Variants in DLG1 observed in about 807,000 individuals in gnomAD.
DLG1 encodes disks large homolog 1.
DLG1 carries 42 observed loss-of-function variants against 123.4 expected under a neutral mutation model. The observed-to-expected ratio is 0.34, with a 90% confidence interval of 0.27 to 0.44. The LOEUF (loss-of-function observed/expected upper bound fraction) is 0.44. Among genes scored for constraint, DLG1 ranks in the 20% least tolerant of loss-of-function variants. The probability of loss-of-function intolerance (pLI) is 1.00; values close to 1 mark genes in which losing one functional copy is unlikely to be tolerated. For synonymous variants in DLG1, 317 were observed against 356.2 expected (o/e 0.89, Z 1.24); for missense variants, 942 against 1,082.6 (o/e 0.87, Z 1.82).
chr3:197,186,769 A>G (rs1042903384), intron 5 of DLG1, among the ~76,000 whole-genome samples: 1 of 152,178 alleles, frequency 6.6e-6, no homozygotes. Context: ...TTTGAGACGG[A>G]GTCTCACTAC....
chr3:197,262,884 G>A (rs1359508567), intron 4 of DLG1, among the ~76,000 whole-genome samples: 1 of 152,188 alleles, frequency 6.6e-6, no homozygotes, highest in East Asian at 1.9e-4. Context: ...ATGTAGCTAT[G>A]TAAATGTCAT....
At chr3:197,118,895 T>C (rs929916843) in intron 12 of DLG1, among the ~76,000 whole-genome samples, 1 of 152,038 alleles carries the variant, frequency 6.6e-6, no homozygotes, top group African/African-American at 2.4e-5. Context: ...TCTTAGTACC[T>C]AGGGAGGCAG....
At chr3:197,158,159 C>T (rs757254676) in intron 5 of DLG1, among the ~76,000 whole-genome samples, 1 of 152,138 alleles carries the variant, frequency 6.6e-6, no homozygotes, top group Non-Finnish European at 1.5e-5. Flanking sequence ...AGAAGACACA[C>T]ACATGGACAA....
At chr3:197,066,273 T>TGGTA (rs980856431) in intron 20 of DLG1, among the ~76,000 whole-genome samples, 2 of 151,928 alleles carry the variant, frequency 1.3e-5, no homozygotes, top group Admixed American at 1.3e-4. Flanking sequence ...TAATGGAGAT[T>TGGTA]GGTAGTGAGA....
intron 4 of DLG1, among the ~76,000 whole-genome samples, chr3:197,242,352 T>C (rs941162295): frequency 2.6e-5 from 4 of 152,074 alleles, no homozygotes; most frequent in African/African-American, 9.7e-5. Flanking sequence ...GAGACTTTAA[T>C]ACCCTACTCT....
chr3:197,131,270 A>G (rs547014891), intron 10 of DLG1, among the ~76,000 whole-genome samples: 40 of 152,340 alleles, frequency 2.6e-4, no homozygotes, highest in African/African-American at 9.4e-4. Flanking sequence ...ACAGAATATG[A>G]GAGTGCCCAT....
intron 4 of DLG1, among the ~76,000 whole-genome samples, chr3:197,251,165 G>A (rs1754268041): frequency 1.3e-5 from 2 of 152,016 alleles, no homozygotes; most frequent in African/African-American, 4.8e-5. Flanking sequence ...TGGGTGGACT[G>A]CTTGACTACA....
chr3:197,165,831 C>A (rs2149960456), intron 5 of DLG1, among the ~76,000 whole-genome samples: 1 of 152,236 alleles, frequency 6.6e-6, no homozygotes, highest in South Asian at 2.1e-4. Context: ...TGATTCCTAC[C>A]CTTAAACTAT....
At chr3:197,226,245 C>T (rs1396374211) in intron 4 of DLG1, 1 of 152,194 alleles carries the variant, frequency 6.6e-6, no homozygotes. Context: ...TCATTTAGCA[C>T]CACTTTGTCA....
chr3:197,126,306 G>A (rs779159602), intron 11 of DLG1, among the ~76,000 whole-genome samples: 8 of 151,864 alleles, frequency 5.3e-5, no homozygotes, highest in African/African-American at 7.3e-5. Context: ...GAGAAACCCC[G>A]TCTCTACTAA....
At chr3:197,053,030 C>T (rs1329278821) in intron 23 of DLG1, among the ~76,000 whole-genome samples, 1 of 152,172 alleles carries the variant, frequency 6.6e-6, no homozygotes, top group East Asian at 1.9e-4. Flanking sequence ...GTGATGTACA[C>T]AGACAAAATG....
chr3:197,297,889 C>T, intron 1 of DLG1: 1 of 985,104 alleles, frequency 1.0e-6, no homozygotes, highest in Non-Finnish European at 1.2e-6. Context: ...CTCCACGTAC[C>T]CCCGCCCCGC....
At chr3:197,262,177 G>C (rs1033238070) in intron 4 of DLG1, among the ~76,000 whole-genome samples, 1 of 152,134 alleles carries the variant, frequency 6.6e-6, no homozygotes. Flanking sequence ...GAAAGACCAC[G>C]GGATTAGAGG....
intron 12 of DLG1, among the ~76,000 whole-genome samples, chr3:197,118,215 CAA>C (rs896884349): frequency 2.0e-5 from 3 of 152,104 alleles, no homozygotes; most frequent in Non-Finnish European, 4.4e-5. Flanking sequence ...GTAAAATATG[CAA>C]AGAGATTAAA....
At chr3:197,257,866 A>G (rs1014561129) in intron 4 of DLG1, among the ~76,000 whole-genome samples, 2 of 152,212 alleles carry the variant, frequency 1.3e-5, no homozygotes, top group Admixed American at 6.5e-5. Context: ...TCCTACAGTG[A>G]TTACGAGCCT....
intron 15 of DLG1, 31 bp downstream of exon 15, chr3:197,090,881 A>T: frequency 1.5e-6 from 2 of 1,302,032 alleles, no homozygotes; most frequent in Non-Finnish European, 2.2e-6. Context: ...ACTAATTAAG[A>T]TTTGCCATAA....
intron 5 of DLG1, among the ~76,000 whole-genome samples, chr3:197,167,008 T>A (rs1162812728): frequency 6.6e-6 from 1 of 152,064 alleles, no homozygotes; most frequent in African/African-American, 2.4e-5. Flanking sequence ...GACATCTTGC[T>A]GTACCAGAAG....
intron 16 of DLG1, chr3:197,085,215 T>A (rs1320708958): frequency 1.1e-5 from 2 of 186,052 alleles, no homozygotes; most frequent in African/African-American, 4.8e-5. Context: ...GTTGCCTTTT[T>A]TTGGGGGGTA....
intron 5 of DLG1, among the ~76,000 whole-genome samples, chr3:197,192,093 G>T (rs62283573): frequency 0.13 from 20,485 of 151,940 alleles, 1,760 homozygotes; most frequent in South Asian, 0.35. Context: ...AGGATCACTT[G>T]AGCCTAGGAG....
Sources: allele counts gnomAD v4.1 joint callset (sites outside exome capture counted in the v4.1 genomes callset), GRCh38; gene constraint gnomAD v4.1.1; transcripts MANE v1.5; gene names NCBI Gene and HGNC (gene_info 2026-07-23, HGNC 2026-07-21).